The following SMURF1 variants were observed in gnomAD, a reference collection of about 807,000 sequenced individuals.
SMURF1 encodes E3 ubiquitin-protein ligase SMURF1.
In SMURF1, 44 loss-of-function variants were observed where a neutral mutation model predicts 98.0. That is an observed-to-expected ratio of 0.45 (90% CI 0.35 to 0.58). The LOEUF is 0.58. Ranked by LOEUF, SMURF1 falls within the 20% of genes least tolerant of loss-of-function variation. The pLI is 0.00. For synonymous variants in SMURF1, 396 were observed against 374.9 expected (o/e 1.06, Z -0.65); for missense variants, 687 against 938.4 (o/e 0.73, Z 3.50).
intron 5 of SMURF1, 129 bp from the exon 6 acceptor site, chr7:99,054,994 CACAT>C: frequency 2.7e-6 from 2 of 738,250 alleles, no homozygotes; most frequent in Non-Finnish European, 4.7e-6. Context: ...TATGCATACA[CACAT>C]ATATTCCTAT....
At chr7:99,140,579 G>A (rs954782654) in intron 1 of SMURF1, among the ~76,000 whole-genome samples, 3 of 151,466 alleles carry the variant, frequency 2.0e-5, no homozygotes, top group South Asian at 2.1e-4. Flanking sequence ...GAGCCACCGC[G>A]CCCAGCTAAT....
rs113407209 is a variant in SMURF1, at chr7:99,047,745, G to A, written c.1091C>T (p.Ser364Leu). 5.6e-6 allele frequency: 9 copies of A among 1,614,086 alleles called. No homozygotes were observed. Among genetic ancestry groups the A allele is most frequent in the African/African-American group, 2.7e-5 (2 of 74,928 alleles). The change falls in exon 10 of 18, where the codon TCG (serine) becomes TTG (leucine). Residue 364 changes from serine to leucine, a missense_variant. Ser to Leu is a moderately radical substitution (Grantham distance 145, BLOSUM62 -2). This residue lies in a region of SMURF1 where 415 missense variants were observed against 508.4 expected (regional missense o/e 0.82). Transcript: ENST00000361368. Reference sequence around the variant, plus strand: ...ATGACCAGCTTGGGGCTGCTGAAGCGACAGTTCGTGTCTGAGGACTTTCAG... The same window carrying A: ...ATGACCAGCTTGGGGCTGCTGAAGCAACAGTTCGTGTCTGAGGACTTTCAG... ...QKLKVLRHEL[S>L]LQQPQAGHCR...
chr7:99,076,866 C>T (rs146225588), intron 1 of SMURF1, among the ~76,000 whole-genome samples: 163 of 151,652 alleles, frequency 1.1e-3, no homozygotes, highest in African/African-American at 3.4e-3. Context: ...CATGTGTGTG[C>T]GTGTGCCTGC....
chr7:99,115,357 C>A (rs1023409471), intron 1 of SMURF1, among the ~76,000 whole-genome samples: 1 of 152,136 alleles, frequency 6.6e-6, no homozygotes, highest in Non-Finnish European at 1.5e-5. Flanking sequence ...CTTTGCGAGG[C>A]TGAAGCGAGT....
intron 1 of SMURF1, among the ~76,000 whole-genome samples, chr7:99,068,437 T>C (rs1440560691): frequency 6.6e-6 from 1 of 152,178 alleles, no homozygotes; most frequent in East Asian, 1.9e-4. Context: ...ACTATAGGCA[T>C]GCACCACTAT....
chr7:99,039,757 A>G (rs1200482175), intron 13 of SMURF1, among the ~76,000 whole-genome samples: 1 of 151,788 alleles, frequency 6.6e-6, no homozygotes, highest in African/African-American at 2.4e-5. Context: ...CCCGACTCCG[A>G]CTCACCCACA....
chr7:99,040,153 G>C (rs1479948502), intron 13 of SMURF1, among the ~76,000 whole-genome samples: 1 of 152,020 alleles, frequency 6.6e-6, no homozygotes, highest in Non-Finnish European at 1.5e-5. Flanking sequence ...TTGCAGTAAC[G>C]GGGTCTCACT....
intron 1 of SMURF1, among the ~76,000 whole-genome samples, chr7:99,133,184 CAGTT>C (rs964796676): frequency 6.6e-5 from 10 of 152,134 alleles, no homozygotes; most frequent in African/African-American, 1.9e-4. Flanking sequence ...CCAATGTAAA[CAGTT>C]AGTTTCCCGG....
intron 1 of SMURF1, among the ~76,000 whole-genome samples, chr7:99,122,997 C>T (rs561163709): frequency 1.1e-4 from 17 of 151,680 alleles, no homozygotes; most frequent in Non-Finnish European, 2.1e-4. Flanking sequence ...GTTCTTTCAC[C>T]GAGAGAAAAT....
intron 10 of SMURF1, among the ~76,000 whole-genome samples, chr7:99,047,472 GC>G (rs1250462907): frequency 6.6e-6 from 1 of 152,066 alleles, no homozygotes; most frequent in African/African-American, 2.4e-5. Context: ...CTCTAGACAG[GC>G]TGTGGTCCTG....
chr7:99,109,385 T>C (rs1488680551), intron 1 of SMURF1, among the ~76,000 whole-genome samples: 1 of 152,154 alleles, frequency 6.6e-6, no homozygotes, highest in Non-Finnish European at 1.5e-5. Flanking sequence ...GGGAGCCCTC[T>C]CAGTTGACTT....
intron 2 of SMURF1, 24 bp from the exon 3 acceptor site, chr7:99,060,731 C>G: frequency 6.7e-7 from 1 of 1,502,972 alleles, no homozygotes; most frequent in Non-Finnish European, 9.2e-7. Context: ...GAGACCCACA[C>G]CTAGATGAGA....
chr7:99,107,000 G>A, intron 1 of SMURF1, among the ~76,000 whole-genome samples: 1 of 152,180 alleles, frequency 6.6e-6, no homozygotes, highest in East Asian at 1.9e-4. Flanking sequence ...TAACCAGATG[G>A]AAATAACACA....
At chr7:99,137,006 A>G (rs1401466445) in intron 1 of SMURF1, among the ~76,000 whole-genome samples, 1 of 150,734 alleles carries the variant, frequency 6.6e-6, no homozygotes, top group African/African-American at 2.4e-5. Context: ...CTGGCCTGGG[A>G]AAAACATAAA....
At chr7:99,112,911 A>C (rs1797354349) in intron 1 of SMURF1, among the ~76,000 whole-genome samples, 1 of 152,150 alleles carries the variant, frequency 6.6e-6, no homozygotes, top group Non-Finnish European at 1.5e-5. Context: ...AGATTTGAAC[A>C]GGTAAAAAAT....
intron 11 of SMURF1, among the ~76,000 whole-genome samples, chr7:99,045,209 C>A (rs1379776793): frequency 1.3e-5 from 2 of 152,054 alleles, no homozygotes; most frequent in African/African-American, 4.8e-5. Context: ...AGTTTTTCAT[C>A]ATTCTATTCT....
chr7:99,039,463 A>C (rs1240141261), intron 13 of SMURF1, among the ~76,000 whole-genome samples: 1 of 151,980 alleles, frequency 6.6e-6, no homozygotes, highest in Non-Finnish European at 1.5e-5. Flanking sequence ...TTCCTGCCTC[A>C]GCCTCCTGAG....
At chr7:99,091,271 C>T (rs898177885) in intron 1 of SMURF1, among the ~76,000 whole-genome samples, 3 of 152,168 alleles carry the variant, frequency 2.0e-5, no homozygotes, top group Non-Finnish European at 4.4e-5. Context: ...CTGAAACACA[C>T]ACACACAATT....
At chr7:99,050,895 G>GGGGGT in intron 8 of SMURF1, 1 of 56,652 alleles carries the variant, frequency 1.8e-5, no homozygotes, top group Non-Finnish European at 2.3e-5. Context: ...GTTATGGGGT[G>GGGGGT]GGGGGGGGGT....
Sources: allele counts gnomAD v4.1 joint callset (sites outside exome capture counted in the v4.1 genomes callset), GRCh38; gene constraint gnomAD v4.1.1; regional missense constraint gnomAD v4.1.1; transcripts MANE v1.5; gene names NCBI Gene and HGNC (gene_info 2026-07-23, HGNC 2026-07-21).